Variants in GPR139 observed in about 807,000 individuals in gnomAD.
The protein encoded by GPR139 is G protein-coupled receptor 139.
Under a neutral mutation model 25.8 loss-of-function variants are expected in GPR139, and 12 were observed. The ratio of observed to expected loss-of-function variants is 0.47; its 90% CI spans 0.30 to 0.75. The LOEUF (loss-of-function observed/expected upper bound fraction) is 0.75. Ranked by LOEUF, GPR139 falls within the 30% of genes least tolerant of loss-of-function variation. The pLI, the probability that GPR139 is intolerant of heterozygous loss-of-function variation, is 0.07. For synonymous variants in GPR139, 184 were observed against 179.9 expected (o/e 1.02, Z -0.18); for missense variants, 380 against 450.2 (o/e 0.84, Z 1.41).
In GPR139 at chr16:20,073,655, C is replaced by A; in HGVS notation, c.-39G>T. On this transcript the variant is annotated 5_prime_UTR_variant, in exon 1 of 2. Transcript: ENST00000570682. The surrounding 1 kb of genome is among the most constrained non-coding windows in gnomAD (Gnocchi z 4.7). ...GCTCCCCTTGCCGCTTCGCGCCCGG[C>A]CTGCCAGCCCGACTCTGGTCGCCGG... 6.6e-7 allele frequency: 1 copy of A among 1,523,156 alleles called. No homozygotes were observed. The highest frequency in any genetic ancestry group is 1.3e-5 in the South Asian group (1 of 79,324). The allele number at this position is 1,523,156 out of a possible 1,614,324, so 94.4% of individuals were successfully genotyped here.
chr16:20,064,124 G>C (rs1479338543), intron 1 of GPR139, among the ~76,000 whole-genome samples: 12 of 152,162 alleles, frequency 7.9e-5, no homozygotes. Context: ...TTTCCACCAG[G>C]TCACTCCCTA....
chr16:20,058,133 A>G (rs1020205527), intron 1 of GPR139, among the ~76,000 whole-genome samples: 6 of 152,212 alleles, frequency 3.9e-5, no homozygotes, highest in African/African-American at 7.2e-5. Context: ...TGTATATTAC[A>G]TTACATATTC....
intron 1 of GPR139, among the ~76,000 whole-genome samples, chr16:20,045,505 A>C (rs1332908088): frequency 6.6e-6 from 1 of 152,206 alleles, no homozygotes; most frequent in Non-Finnish European, 1.5e-5. Flanking sequence ...TACCTCCATA[A>C]TCAGCTCAGG....
chr16:20,052,032 T>C (rs1455526787), intron 1 of GPR139, among the ~76,000 whole-genome samples: 1 of 152,138 alleles, frequency 6.6e-6, no homozygotes, highest in Non-Finnish European at 1.5e-5. Flanking sequence ...TTTGCCAGTC[T>C]CCATCCCATT....
chr16:20,062,765 AAAG>A (rs1246371740), intron 1 of GPR139, among the ~76,000 whole-genome samples: 1 of 152,264 alleles, frequency 6.6e-6, no homozygotes, highest in Admixed American at 6.5e-5. Flanking sequence ...AATAAAGTAA[AAAG>A]AAGCAGGAGA....
chr16:20,061,539 T>A (rs1256912747), intron 1 of GPR139, among the ~76,000 whole-genome samples: 3 of 152,246 alleles, frequency 2.0e-5, no homozygotes, highest in African/African-American at 7.2e-5. Flanking sequence ...TCTCTTCTCA[T>A]CCTTTTTGCC....
chr16:20,073,440 C>G lies in GPR139; in HGVS notation c.127+50G>C, dbSNP rs767366208. 6.3e-7 allele frequency: 1 copy of G among 1,591,608 alleles called. No homozygotes were observed. Among genetic ancestry groups the G allele is most frequent in the African/African-American group, 1.3e-5 (1 of 74,162 alleles). On this transcript the variant is annotated intron_variant, in intron 1 of 1. Coordinates refer to ENST00000570682, the MANE Select transcript of GPR139 (RefSeq NM_001002911.4). The surrounding 1 kb of genome is among the most constrained non-coding windows in gnomAD (Gnocchi z 4.7). ...GGACGGGGGATTCTGGGTAGGGTTG[C>G]CCGGCACTTGGGGTTCCTGGCTTCC...
rs780453783 is a variant in GPR139 at position 20,041,240 on chromosome 16, GGAGAGGAGAGGGAA to G, written c.128-8585_128-8572del. On this transcript the variant is annotated intron_variant, in intron 1 of 1. Coordinates refer to ENST00000570682, the MANE Select transcript of GPR139 (RefSeq NM_001002911.4). ...GGAGAGGAGAGGAGAGGAGAGGAGA[GGAGAGGAGAGGGAA>G]GGAGAAAAGAAAAGCATCTCTCTCT... is the stretch of plus-strand genomic sequence containing the variant. Among the ~76,000 whole-genome samples the G allele has an allele frequency of 4.0e-3, 25 of 6,224 alleles. 6 individuals are homozygous for G. The highest frequency in any genetic ancestry group is 0.013 in the South Asian group (4 of 320). The allele number at this position is 6,224 out of a possible 152,430, so 4.1% of individuals were successfully genotyped here. A position where few individuals can be genotyped will look rare whatever the true frequency, so the allele number is the denominator to read the frequency against.
At chr16:20,055,205 G>T (rs754379754) in intron 1 of GPR139, among the ~76,000 whole-genome samples, 2 of 152,142 alleles carry the variant, frequency 1.3e-5, no homozygotes, top group Non-Finnish European at 2.9e-5. Flanking sequence ...TGCAGTATTT[G>T]GTTTTCTGTT....
intron 1 of GPR139, among the ~76,000 whole-genome samples, chr16:20,048,824 G>A (rs1227911118): frequency 1.3e-5 from 2 of 152,042 alleles, no homozygotes; most frequent in Non-Finnish European, 2.9e-5. Flanking sequence ...GGTACCTCCC[G>A]CACCATCAGC....
At chr16:20,044,700 T>C (rs2057347870) in intron 1 of GPR139, among the ~76,000 whole-genome samples, 1 of 152,208 alleles carries the variant, frequency 6.6e-6, no homozygotes, top group Non-Finnish European at 1.5e-5. Context: ...GTCTATAATA[T>C]GATATATTAC....
At chr16:20,036,431 G>T (rs1047778886) in intron 1 of GPR139, among the ~76,000 whole-genome samples, 1 of 152,182 alleles carries the variant, frequency 6.6e-6, no homozygotes, top group East Asian at 1.9e-4. Context: ...TGCCAATAAA[G>T]AAGTTTCCAA....
intron 1 of GPR139, among the ~76,000 whole-genome samples, chr16:20,035,252 G>A (rs986652053): frequency 1.3e-5 from 2 of 151,970 alleles, no homozygotes; most frequent in Admixed American, 1.3e-4. Context: ...ATATTAATTA[G>A]CCAGGATTCA....
chr16:20,053,616 T>C (rs914194112), intron 1 of GPR139, among the ~76,000 whole-genome samples: 4 of 152,228 alleles, frequency 2.6e-5, no homozygotes, highest in African/African-American at 4.8e-5. Flanking sequence ...CCCAAGGTTG[T>C]TGTGGGGACC....
rs575337839 is a variant in GPR139, at chr16:20,072,392, A to G, written c.127+1098T>C. Among the ~76,000 whole-genome samples the G allele has an allele frequency of 2.2e-4, 33 of 152,302 alleles. No individual in the cohort carries two copies. The South Asian group carries it at 6.6e-3, about 31-fold the overall frequency. ...CCAGCTCCCAAGTTCCCAGGATCGC[A>G]AGATGCTAAGGTTCGCAGACTAAGA... On this transcript the variant is annotated intron_variant, in intron 1 of 1. Coordinates refer to ENST00000570682, the MANE Select transcript of GPR139 (RefSeq NM_001002911.4).
At chr16:20,067,365 A>G (rs1323121568) in intron 1 of GPR139, among the ~76,000 whole-genome samples, 2 of 152,202 alleles carry the variant, frequency 1.3e-5, no homozygotes, top group African/African-American at 4.8e-5. Flanking sequence ...CCAAGGTCAC[A>G]CAGTGAGTTA....
intron 1 of GPR139, among the ~76,000 whole-genome samples, chr16:20,050,624 G>C (rs1438737469): frequency 6.6e-6 from 1 of 152,218 alleles, no homozygotes; most frequent in Non-Finnish European, 1.5e-5. Context: ...AGAGAGAGTA[G>C]GGAGGGAGGC....
chr16:20,047,053 A>C (rs909746234), intron 1 of GPR139, among the ~76,000 whole-genome samples: 1 of 151,980 alleles, frequency 6.6e-6, no homozygotes, highest in Non-Finnish European at 1.5e-5. Context: ...AAACAAAACA[A>C]ACTTTAGTCA....
intron 1 of GPR139, among the ~76,000 whole-genome samples, chr16:20,072,405 T>C (rs918811039): frequency 6.6e-6 from 1 of 152,192 alleles, no homozygotes; most frequent in Non-Finnish European, 1.5e-5. Context: ...ATGCTAAGGT[T>C]CGCAGACTAA....
Sources: gnomAD v4.1 joint callset for allele counts (sites outside exome capture counted in the v4.1 genomes callset) on GRCh38, gnomAD v4.1.1 for gene constraint, Gnocchi (gnomAD v3.1) non-coding constraint, MANE v1.5 for transcripts, NCBI Gene and HGNC (gene_info 2026-07-23, HGNC 2026-07-21) for gene names.